The following ZNF559 variants were observed in gnomAD, a reference collection of about 807,000 sequenced individuals.
ZNF559 encodes the protein putative protein product of Nbla00121.
Under a neutral mutation model 14.2 loss-of-function variants are expected in ZNF559, and 17 were observed. That is an observed-to-expected ratio of 1.20 (90% CI 0.82 to 1.80). ZNF559 has a LOEUF of 1.80. Ranked by LOEUF, ZNF559 falls within the 40% of genes most tolerant of loss-of-function variation. The probability of loss-of-function intolerance (pLI) is 0.00; values close to 1 mark genes in which losing one functional copy is unlikely to be tolerated. For synonymous variants in ZNF559, 244 were observed against 212.4 expected (o/e 1.15, Z -1.29); for missense variants, 740 against 629.7 (o/e 1.18, Z -1.88).
chr19:9,339,319 G>A lies in ZNF559; in HGVS notation c.160G>A (p.Asp54Asn). ...GAACTATAAGAATCTAGTTGCAGTA[G>A]GTAAGGCTGGTACCATTCTTTTCAT... ...LENYKNLVAV[D>N]WESHINTKWS... The change falls in exon 5 of 7, where the codon GAT becomes AAT. Residue 54 changes from aspartate (D) to asparagine (N), a missense_variant and splice_region_variant. Asp to Asn is a conservative substitution (Grantham distance 23, BLOSUM62 1). Coordinates refer to ENST00000603380, the MANE Select transcript of ZNF559 (RefSeq NM_032497.3). The A allele has an allele frequency of 1.9e-6, 3 of 1,610,428 alleles. No individual in the cohort carries two copies. The highest frequency in any genetic ancestry group is 2.5e-6 in the Non-Finnish European group (3 of 1,177,860).
At chr19:9,340,856 C>CCA (rs201012289) in intron 5 of ZNF559, among the ~76,000 whole-genome samples, 2,705 of 151,584 alleles carry the variant, frequency 0.018, 44 homozygotes, top group African/African-American at 0.04. Flanking sequence ...CAGGTGTGAG[C>CCA]CACCACACCC....
intron 2 of ZNF559, among the ~76,000 whole-genome samples, chr19:9,325,953 T>G (rs1187884763): frequency 6.6e-6 from 1 of 152,132 alleles, no homozygotes; most frequent in African/African-American, 2.4e-5. Context: ...GAAGACAAGC[T>G]TAAAACAAGA....
Position 9,337,876 on chromosome 19 carries a change from C to T in ZNF559, c.-57+18C>T. The T allele has an allele frequency of 6.6e-7, 1 of 1,524,906 alleles. No homozygotes were observed. Among genetic ancestry groups the T allele is most frequent in the South Asian group, 1.2e-5 (1 of 82,302 alleles). The allele number at this position is 1,524,906 out of a possible 1,614,324, so 94.5% of individuals were successfully genotyped here. A position where few individuals can be genotyped will look rare whatever the true frequency, so the allele number is the denominator to read the frequency against. Reference sequence around the variant, plus strand: ...GATTGACGGTATGAGGCAAGACTCCCACTACTACTTAATCAAGAGGAATTG... The same window carrying T: ...GATTGACGGTATGAGGCAAGACTCCTACTACTACTTAATCAAGAGGAATTG... On this transcript the variant is annotated intron_variant, in intron 3 of 6. Transcript: ENST00000603380.
chr19:9,327,287 G>A (rs571127797), intron 2 of ZNF559, among the ~76,000 whole-genome samples: 12 of 150,154 alleles, frequency 8.0e-5, no homozygotes, highest in Admixed American at 4.0e-4. Flanking sequence ...TCACTCTGCC[G>A]CCCAGGCTGG....
At position 9,324,285 on chromosome 19, in the gene ZNF559, T is replaced by C. The variant is rs570105225; in HGVS notation, c.-206+57T>C. The C allele has an allele frequency of 4.6e-6, 7 of 1,535,578 alleles. No individual in the cohort carries two copies. The African/African-American group carries it at 8.2e-5, about 18-fold the overall frequency. ...GTGTCCCGGTGCAGCCACGCGAGAG[T>C]AGAAGGGTGGAAAGGGGAGGTGCCC... On this transcript the variant is annotated intron_variant, in intron 1 of 6. Transcript: ENST00000603380.
chr19:9,325,956 A>T (rs1047813403), intron 2 of ZNF559, among the ~76,000 whole-genome samples: 1 of 152,140 alleles, frequency 6.6e-6, no homozygotes, highest in Non-Finnish European at 1.5e-5. Context: ...GACAAGCTTA[A>T]AACAAGACTT....
At position 9,339,830 on chromosome 19, in the gene ZNF559, G is replaced by A. The variant is rs994368791; in HGVS notation, c.160+511G>A. ...GTCACCCAGGCTGGAGTGCAGTGGC[G>A]TGATCTTGGCTCACTGCAAGCTCCG... On this transcript the variant is annotated intron_variant, in intron 5 of 6. Coordinates refer to ENST00000603380, the MANE Select transcript of ZNF559 (RefSeq NM_032497.3). Among the ~76,000 whole-genome samples the A allele has an allele frequency of 6.8e-5, 10 of 147,680 alleles. No homozygotes were observed. The East Asian group carries it at 1.6e-3, about 24-fold the overall frequency.
In ZNF559 at chr19:9,343,566, G is replaced by A. The variant is rs2067667873; in HGVS notation, c.*498G>A. 9 of 991,814 alleles carry A rather than the reference G, an allele frequency of 9.1e-6. No individual in the cohort carries two copies. The highest frequency in any genetic ancestry group is 1.1e-5 in the Non-Finnish European group (9 of 833,198). 61.4% of individuals were successfully genotyped at this position (991,814 alleles called of 1,614,324 possible). A position where few individuals can be genotyped will look rare whatever the true frequency, so the allele number is the denominator to read the frequency against. Reference sequence around the variant, plus strand: ...GAAAAATCTTATGAATGTAAAATGTGTGGAGATTCTTCTTTGTTTTTAGCT... The same window carrying A: ...GAAAAATCTTATGAATGTAAAATGTATGGAGATTCTTCTTTGTTTTTAGCT... On this transcript the variant is annotated 3_prime_UTR_variant, in exon 7 of 7. Transcript: ENST00000603380.
intron 2 of ZNF559, among the ~76,000 whole-genome samples, chr19:9,337,243 G>A (rs577682336): frequency 6.6e-6 from 1 of 152,232 alleles, no homozygotes; most frequent in South Asian, 2.1e-4. Context: ...GAAGCCTCAG[G>A]CATACAAAAA....
chr19:9,329,284 A>G (rs1294499759), intron 2 of ZNF559, among the ~76,000 whole-genome samples: 5 of 151,996 alleles, frequency 3.3e-5, no homozygotes, highest in African/African-American at 7.2e-5. Flanking sequence ...CAAGGTCACT[A>G]TTTTCTTATT....
At chr19:9,324,885 G>GCATTCGATGGTATCA in intron 2 of ZNF559, 105 bp downstream of exon 2, 1 of 924,514 alleles carries the variant, frequency 1.1e-6, no homozygotes, top group Non-Finnish European at 1.7e-6. Context: ...GAGAGCACAT[G>GCATTCGATGGTATCA]GATCTGATAC....
chr19:9,328,828 T>C (rs1303833271), intron 2 of ZNF559, among the ~76,000 whole-genome samples: 2 of 152,208 alleles, frequency 1.3e-5, no homozygotes, highest in Non-Finnish European at 2.9e-5. Flanking sequence ...GTCTTTTCTT[T>C]GAAACTCAGC....
At chr19:9,330,762 T>A (rs998487678) in intron 2 of ZNF559, among the ~76,000 whole-genome samples, 13 of 152,222 alleles carry the variant, frequency 8.5e-5, no homozygotes, top group African/African-American at 2.9e-4. Context: ...TTAAGATGAT[T>A]GTTATGACTT....
At chr19:9,340,733 A>ATTTTTTTTTTTTTT (rs201367378) in intron 5 of ZNF559, among the ~76,000 whole-genome samples, 25 of 124,636 alleles carry the variant, frequency 2.0e-4, no homozygotes, top group African/African-American at 5.7e-4. Context: ...TGCCTGGCTA[A>ATTTTTTTTTTTTTT]TTTTTTTTTT....
intron 2 of ZNF559, 62 bp downstream of exon 2, chr19:9,324,842 G>T: frequency 7.1e-7 from 1 of 1,405,858 alleles, no homozygotes; most frequent in Non-Finnish European, 9.7e-7. Flanking sequence ...AAGTTGTGTC[G>T]AGGTGGAAAG....
rs1378768999 is a variant in ZNF559, at chr19:9,344,080, C to G, written c.*1012C>G. The G allele has an allele frequency of 1.3e-5, 2 of 152,208 alleles. No individual in the cohort carries two copies. Among genetic ancestry groups the G allele is most frequent in the Non-Finnish European group, 2.9e-5 (2 of 68,262 alleles). The allele number at this position is 152,208 out of a possible 1,614,324, so 9.4% of individuals were successfully genotyped here. A position where few individuals can be genotyped will look rare whatever the true frequency, so the allele number is the denominator to read the frequency against. The stretch of plus-strand genomic sequence containing the variant: ...CCAACGTGGTGAAACCCCATCTCTA[C>G]TAAAAATACAAAAATTAGCCAGGCA... On this transcript the variant is annotated 3_prime_UTR_variant, in exon 7 of 7. Coordinates refer to ENST00000603380, the MANE Select transcript of ZNF559 (RefSeq NM_032497.3).
chr19:9,343,003 G>A lies in ZNF559; in HGVS notation c.1552G>A (p.Glu518Lys), dbSNP rs750438325. The change falls in exon 7 of 7, where the codon GAG (glutamate) becomes AAG (lysine). Residue 518 changes from glutamate to lysine, a missense_variant. Glu to Lys is a moderately conservative substitution (Grantham distance 56). Transcript: ENST00000603380. ...LIRHLRSHSV[E>K]KPYKECGQTF... is the part of the protein sequence containing the mutation. ...TCGACATCTAAGAAGTCATAGTGTG[G>A]AGAAACCATATAAGGAATGTGGGCA... is the stretch of plus-strand genomic sequence containing the variant. The A allele has an allele frequency of 6.1e-5, 98 of 1,614,020 alleles. No individual in the cohort carries two copies. Among genetic ancestry groups the A allele is most frequent in the Non-Finnish European group, 8.2e-5 (97 of 1,180,030 alleles).
chr19:9,330,854 T>C (rs1364756825), intron 2 of ZNF559, among the ~76,000 whole-genome samples: 2 of 152,210 alleles, frequency 1.3e-5, no homozygotes, highest in African/African-American at 4.8e-5. Context: ...AGTTTCTTCT[T>C]GATTCTTCAT....
intron 3 of ZNF559, 147 bp downstream of exon 3, chr19:9,338,005 C>CT (rs1429429377): frequency 6.5e-7 from 1 of 1,535,970 alleles, no homozygotes; most frequent in Non-Finnish European, 8.7e-7. Flanking sequence ...GGCCATTGGT[C>CT]TTTCCCTTTG....
Sources: allele counts gnomAD v4.1 joint callset (sites outside exome capture counted in the v4.1 genomes callset), GRCh38; gene constraint gnomAD v4.1.1; transcripts MANE v1.5; gene names NCBI Gene and HGNC (gene_info 2026-07-23, HGNC 2026-07-21).